KCNMA1: variants seen among roughly 807,000 people sequenced by gnomAD.
KCNMA1 encodes the protein Calcium-activated potassium channel subunit alpha-1.
In KCNMA1, 29 loss-of-function variants were observed where a neutral mutation model predicts 140.0. The ratio of observed to expected loss-of-function variants is 0.21; its 90% CI spans 0.15 to 0.28. The LOEUF is 0.28. Among genes scored for constraint, KCNMA1 ranks in the 10% least tolerant of loss-of-function variants. The pLI is 1.00. For missense variants in KCNMA1, 880 were observed against 1,602.2 expected (o/e 0.55, Z 7.70); for synonymous variants, 612 against 611.9 (o/e 1.00, Z 0.00).
At chr10:77,464,566 C>T (rs1187597067) in intron 1 of KCNMA1, among the ~76,000 whole-genome samples, 2 of 152,214 alleles carry the variant, frequency 1.3e-5, no homozygotes, top group African/African-American at 4.8e-5. Context: ...CTGGTGTTAC[C>T]CATTGCCTTT....
intron 6 of KCNMA1, among the ~76,000 whole-genome samples, chr10:77,117,054 T>C (rs1472863508): frequency 1.3e-5 from 2 of 152,222 alleles, no homozygotes; most frequent in Non-Finnish European, 2.9e-5. Flanking sequence ...AGTAATGTTT[T>C]AGTTTCAAAA....
chr10:77,400,778 C>T (rs889518497), intron 2 of KCNMA1, among the ~76,000 whole-genome samples: 1 of 152,112 alleles, frequency 6.6e-6, no homozygotes, highest in Admixed American at 6.5e-5. Flanking sequence ...ACGACATTGT[C>T]CTTCCCCTTC....
chr10:77,110,240 T>G lies in KCNMA1; in HGVS notation c.1064A>C (p.Tyr355Ser). ...LLMVTMSTVG[Y>S]GDVYAKTTLG... is the part of the protein sequence containing the mutation. ...TGTGGTTTTTGCATAAACATCCCCATAACCAACGGTGGACATTGTGACCAT... is the reference window on the plus strand; with the variant it reads ...TGTGGTTTTTGCATAAACATCCCCAGAACCAACGGTGGACATTGTGACCAT... The change falls in exon 8 of 28, where the codon TAT becomes TCT. Residue 355 changes from tyrosine to serine, a missense_variant. By Grantham distance (144) the Tyr-to-Ser change is moderately radical (BLOSUM62 -2). Transcript: ENST00000286628. 1 of 1,613,940 alleles carries G rather than the reference T, an allele frequency of 6.2e-7. No individual in the cohort carries two copies. Among genetic ancestry groups the G allele is most frequent in the Non-Finnish European group, 8.5e-7 (1 of 1,179,874 alleles).
At position 76,991,591 on chromosome 10, in the gene KCNMA1, C is replaced by T. The variant is rs368591088; in HGVS notation, c.2266+9816G>A. 1.4e-4 allele frequency among the ~76,000 whole-genome samples: 21 copies of T among 152,318 alleles called. 1 individual carries two copies. Among genetic ancestry groups the T allele is most frequent in the South Asian group, 1.2e-3 (6 of 4,830 alleles). On this transcript the variant is annotated intron_variant, in intron 19 of 27. Coordinates refer to ENST00000286628, the MANE Select transcript of KCNMA1 (RefSeq NM_001161352.2). ...ATCTAGGGCGATCTGGCTTCTAGCA[C>T]ATCACCAATTCCTTTAAGGGTTGGG...
chr10:77,173,988 T>G (rs1282584385), intron 5 of KCNMA1, among the ~76,000 whole-genome samples: 1 of 152,196 alleles, frequency 6.6e-6, no homozygotes, highest in East Asian at 1.9e-4. Context: ...CTGAGCATGA[T>G]GAAATTGGCC....
At chr10:77,007,750 G>A (rs1234345748) in intron 18 of KCNMA1, among the ~76,000 whole-genome samples, 1 of 149,622 alleles carries the variant, frequency 6.7e-6, no homozygotes, top group Non-Finnish European at 1.5e-5. Flanking sequence ...AATAACAAAG[G>A]AGACCAAGTA....
chr10:77,090,334 A>T (rs1297154760), intron 10 of KCNMA1, 66 bp downstream of exon 10: 1 of 1,074,730 alleles, frequency 9.3e-7, no homozygotes, highest in East Asian at 2.4e-5. Context: ...TCTTACAGAC[A>T]TTCAGGGAGT....
chr10:76,914,745 G>T (rs896226613), intron 24 of KCNMA1, 191 bp downstream of exon 24: 39 of 544,954 alleles, frequency 7.2e-5, no homozygotes, highest in Non-Finnish European at 1.3e-4. Flanking sequence ...CATCTCAGAA[G>T]AAAGATAGAT....
At chr10:76,977,536 C>A (rs774800658) in intron 19 of KCNMA1, 4 of 702,736 alleles carry the variant, frequency 5.7e-6, no homozygotes, top group Non-Finnish European at 1.0e-5. Context: ...GATATTAACT[C>A]GCTGACCTTT....
intron 2 of KCNMA1, among the ~76,000 whole-genome samples, chr10:77,382,994 G>GTATATATA (rs544257955): frequency 6.0e-4 from 28 of 46,432 alleles, no homozygotes; most frequent in Non-Finnish European, 7.5e-4. Flanking sequence ...GTGTGTGTGT[G>GTATATATA]TATATATATA....
At chr10:76,932,232 G>T (rs2059460108) in intron 23 of KCNMA1, among the ~76,000 whole-genome samples, 1 of 152,162 alleles carries the variant, frequency 6.6e-6, no homozygotes, top group Non-Finnish European at 1.5e-5. Flanking sequence ...CATATTAGTA[G>T]ATTATCACCA....
At chr10:76,875,002 C>G, downstream of KCNMA1, 1 of 152,134 alleles carries the variant, frequency 6.6e-6, no homozygotes, top group Non-Finnish European at 1.5e-5. Context: ...ACCAAAGACC[C>G]TCCTTGGTCT....
At chr10:77,572,598 AT>A (rs2072001880) in intron 1 of KCNMA1, among the ~76,000 whole-genome samples, 11 of 110,514 alleles carry the variant, frequency 1.0e-4, no homozygotes, top group Middle Eastern at 3.9e-3. Context: ...ATATATATAT[AT>A]ATATAAATTA....
intron 2 of KCNMA1, among the ~76,000 whole-genome samples, chr10:77,311,125 G>C (rs1246082006): frequency 6.6e-6 from 1 of 152,166 alleles, no homozygotes; most frequent in African/African-American, 2.4e-5. Context: ...ATTCTGTGAA[G>C]AGTCTCCAGC....
Position 77,549,864 on chromosome 10 carries a change from C to G in KCNMA1, c.378+87401G>C, listed in dbSNP as rs997505049. 2.0e-5 allele frequency among the ~76,000 whole-genome samples: 3 copies of G among 152,186 alleles called. No individual in the cohort carries two copies. In the South Asian group the frequency reaches 6.2e-4, roughly 32 times the overall value. On this transcript the variant is annotated intron_variant, in intron 1 of 27. Transcript: ENST00000286628. ...GTACTAAATACGTGAGAAATTCTCC[C>G]AAAGGAAGGTGAAGCTGGAGAGAGT...
At chr10:77,515,697 C>T (rs1056089703) in intron 1 of KCNMA1, among the ~76,000 whole-genome samples, 4 of 152,276 alleles carry the variant, frequency 2.6e-5, no homozygotes, top group Middle Eastern at 6.8e-3. Context: ...GTTCACCCCT[C>T]GGCTTTCAGT....
At chr10:77,080,539 T>C (rs1380380114) in intron 12 of KCNMA1, among the ~76,000 whole-genome samples, 1 of 152,100 alleles carries the variant, frequency 6.6e-6, no homozygotes, top group Non-Finnish European at 1.5e-5. Flanking sequence ...CCCACCACCA[T>C]ATCTCTTGCT....
At chr10:77,264,786 T>C (rs1032486752) in intron 2 of KCNMA1, among the ~76,000 whole-genome samples, 6 of 152,168 alleles carry the variant, frequency 3.9e-5, no homozygotes, top group African/African-American at 1.4e-4. Flanking sequence ...CCCAGCCTGA[T>C]CACCAATTTC....
chr10:77,539,338 G>A (rs533525852), intron 1 of KCNMA1, among the ~76,000 whole-genome samples: 2 of 152,316 alleles, frequency 1.3e-5, no homozygotes, highest in African/African-American at 4.8e-5. Flanking sequence ...CAAAACCTAT[G>A]AGTCATCTCC....
Sources: allele counts gnomAD v4.1 joint callset (sites outside exome capture counted in the v4.1 genomes callset), GRCh38; gene constraint gnomAD v4.1.1; transcripts MANE v1.5; gene names NCBI Gene and HGNC (gene_info 2026-07-23, HGNC 2026-07-21).